ACAN: variants seen among roughly 807,000 people sequenced by gnomAD.
ACAN encodes the protein aggrecan, also known as aggrecan core protein.
Under a neutral mutation model 169.1 loss-of-function variants are expected in ACAN, and 47 were observed. That is an observed-to-expected ratio of 0.28 (90% CI 0.22 to 0.35). ACAN has a LOEUF of 0.35. ACAN is among the 10% of genes least tolerant of loss of function. ACAN has a pLI of 1.00. For missense variants in ACAN, 2,716 were observed against 2,759.9 expected (o/e 0.98, Z 0.36); for synonymous variants, 1,115 against 1,112.2 (o/e 1.00, Z -0.05).
Position 88,870,562 on chromosome 15 carries a change from C to A in ACAN, c.7061-820C>A, listed in dbSNP as rs1280718158. 3.9e-5 allele frequency among the ~76,000 whole-genome samples: 6 copies of A among 152,302 alleles called. No homozygotes were observed. The East Asian group carries it at 5.8e-4, about 15-fold the overall frequency. On this transcript the variant is annotated intron_variant, in intron 14 of 18. Coordinates refer to ENST00000560601, the MANE Select transcript of ACAN (RefSeq NM_001369268.1). This position sits in a 1 kb window ranked among gnomAD's most constrained non-coding sequence, Gnocchi z 6.3. ...AGGCGAGGTTGAGAGGAGACACTAA[C>A]AATGAGCTCTCTCAAAGCTGAGTGA...
At chr15:88,835,858 G>T (rs1423683232) in intron 1 of ACAN, among the ~76,000 whole-genome samples, 1 of 152,132 alleles carries the variant, frequency 6.6e-6, no homozygotes, top group East Asian at 1.9e-4. Context: ...GACACACCCA[G>T]CACAATGCTT....
At chr15:88,826,308 G>A (rs1319111900) in intron 1 of ACAN, among the ~76,000 whole-genome samples, 1 of 151,978 alleles carries the variant, frequency 6.6e-6, no homozygotes, top group African/African-American at 2.4e-5. Context: ...AACCCCTGGA[G>A]GAAGTTAACA....
chr15:88,849,558 G>T lies in ACAN; in HGVS notation c.1853G>T (p.Gly618Val). 6.2e-7 allele frequency: 1 copy of T among 1,606,718 alleles called. No individual in the cohort carries two copies. The highest frequency in any genetic ancestry group is 8.5e-7 in the Non-Finnish European group (1 of 1,176,954). The change falls in exon 10 of 19, where the codon GGC becomes GTC. Residue 618 changes from glycine to valine, a missense_variant. Transcript: ENST00000560601. The surrounding 1 kb of genome is among the most constrained non-coding windows in gnomAD (Gnocchi z 5.1). ...TGQLYAAWSR[G>V]LDKCYAGWLA... ...CAGCTCTACGCCGCCTGGAGCCGCG[G>T]CCTGGACAAGTGCTATGCCGGCTGG...
chr15:88,827,963 C>T (rs1248737252), intron 1 of ACAN, among the ~76,000 whole-genome samples: 2 of 152,178 alleles, frequency 1.3e-5, no homozygotes, highest in Non-Finnish European at 2.9e-5. Context: ...TGCTCCCACC[C>T]TGGCCATCGC....
In ACAN at chr15:88,845,549, G is replaced by C. The variant is rs1438051316; in HGVS notation, c.1096G>C (p.Gly366Arg). Reference sequence around the variant, plus strand: ...CCCAGAAAACTTCTTTGGAGTGGGGGGTGAGGAGGACATCACCGTCCAGAC... The same window carrying C: ...CCCAGAAAACTTCTTTGGAGTGGGGCGTGAGGAGGACATCACCGTCCAGAC... The part of the protein sequence containing the change: ...DIPENFFGVG[G>R]EEDITVQTVT... The change falls in exon 7 of 19, where the codon GGT becomes CGT. Residue 366 changes from glycine to arginine, a missense_variant. Gly to Arg is a moderately radical substitution (Grantham distance 125). Around this residue, in one of 3 missense-constraint regions of ACAN, gnomAD observed 1,283 missense variants for 1,281.5 expected, o/e 1.00. Transcript: ENST00000560601. 2 of 1,613,462 alleles carry C rather than the reference G, an allele frequency of 1.2e-6. No individual in the cohort carries two copies. The highest frequency in any genetic ancestry group is 8.5e-7 in the Non-Finnish European group (1 of 1,179,516).
chr15:88,873,042 G>C lies in ACAN; in HGVS notation c.7447+17G>C, dbSNP rs536758226. The C allele has an allele frequency of 6.2e-7, 1 of 1,609,632 alleles. No homozygotes were observed. Among genetic ancestry groups the C allele is most frequent in the African/African-American group, 1.3e-5 (1 of 75,000 alleles). On this transcript the variant is annotated intron_variant, in intron 17 of 18. Transcript: ENST00000560601. This position sits in a 1 kb window ranked among gnomAD's most constrained non-coding sequence, Gnocchi z 7.5. ...AGGGCACAGGTAAGCTGGCGCCTGG[G>C]AGGGGTCAGGGGAGGATAGGATCAA...
intron 1 of ACAN, among the ~76,000 whole-genome samples, chr15:88,828,366 G>T (rs1207836630): frequency 6.6e-6 from 1 of 152,080 alleles, no homozygotes; most frequent in Non-Finnish European, 1.5e-5. Context: ...GACACTCTCC[G>T]TGGTGTCATT....
chr15:88,815,825 T>C (rs1895929436), intron 1 of ACAN, among the ~76,000 whole-genome samples: 1 of 152,174 alleles, frequency 6.6e-6, no homozygotes, highest in Non-Finnish European at 1.5e-5. Flanking sequence ...AAAGTTACCT[T>C]GTATTCATTT....
At chr15:88,852,155 A>C in intron 11 of ACAN, 122 bp downstream of exon 11, 1 of 1,380,580 alleles carries the variant, frequency 7.2e-7, no homozygotes, top group South Asian at 1.4e-5. Flanking sequence ...CAGCCCTGAC[A>C]CTGGCTGGGT....
chr15:88,837,991 C>T (rs149872444), intron 2 of ACAN, among the ~76,000 whole-genome samples: 20 of 148,166 alleles, frequency 1.3e-4, no homozygotes, highest in African/African-American at 4.5e-4. Context: ...TGCACCTCCT[C>T]TATTGACACT....
intron 1 of ACAN, among the ~76,000 whole-genome samples, chr15:88,812,270 C>T (rs1895840284): frequency 6.6e-6 from 1 of 152,178 alleles, no homozygotes; most frequent in African/African-American, 2.4e-5. Context: ...AAGGCTGATG[C>T]TTCAGCGGTT....
chr15:88,837,623 C>T (rs1896537106), intron 2 of ACAN, among the ~76,000 whole-genome samples: 1 of 152,128 alleles, frequency 6.6e-6, no homozygotes, highest in Non-Finnish European at 1.5e-5. Context: ...TTCAGCTCTC[C>T]CCTGAGAACC....
At chr15:88,867,926 C>T (rs921261221) in intron 13 of ACAN, among the ~76,000 whole-genome samples, 3 of 152,248 alleles carry the variant, frequency 2.0e-5, no homozygotes, top group African/African-American at 7.2e-5. Context: ...AGACATTTGG[C>T]TTTAGACCTA....
In ACAN at chr15:88,851,253, A is replaced by G. The variant is rs1896923529; in HGVS notation, c.2027-541A>G. On this transcript the variant is annotated intron_variant, in intron 10 of 18. Coordinates refer to ENST00000560601, the MANE Select transcript of ACAN (RefSeq NM_001369268.1). This position sits in a 1 kb window ranked among gnomAD's most constrained non-coding sequence, Gnocchi z 4.3. ...CATGAATCCTGCCTTCACGCTTTCA[A>G]ATGCCGAGATGGTTTCATGGAATTG... 1 of 156,170 alleles carries G rather than the reference A, an allele frequency of 6.4e-6. No homozygotes were observed. Among genetic ancestry groups the G allele is most frequent in the South Asian group, 2.0e-4 (1 of 5,024 alleles). The allele number at this position is 156,170 out of a possible 1,614,324, so 9.7% of individuals were successfully genotyped here. A position where few individuals can be genotyped will look rare whatever the true frequency, so the allele number is the denominator to read the frequency against.
intron 1 of ACAN, among the ~76,000 whole-genome samples, chr15:88,834,565 A>C (rs1896452613): frequency 1.3e-5 from 2 of 152,234 alleles, no homozygotes; most frequent in Non-Finnish European, 2.9e-5. Context: ...CACGGGCGAG[A>C]GTTGCTGAAA....
Position 88,874,396 on chromosome 15 carries a change from T to G in ACAN, c.7631-9T>G. ...CCACTGATATCTTTCCATCTCCCTT[T>G]CGTCCTAGCCACCACCTACAAACGC... is the stretch of plus-strand genomic sequence containing the variant. On this transcript the variant is annotated splice_polypyrimidine_tract_variant and intron_variant, in intron 18 of 18. Transcript: ENST00000560601. The surrounding 1 kb of genome is among the most constrained non-coding windows in gnomAD (Gnocchi z 7.3). 6.3e-7 allele frequency: 1 copy of G among 1,596,852 alleles called. No individual in the cohort carries two copies. Among genetic ancestry groups the G allele is most frequent in the Middle Eastern group, 1.7e-4 (1 of 5,986 alleles).
intron 1 of ACAN, among the ~76,000 whole-genome samples, chr15:88,835,293 G>C (rs1052092937): frequency 1.3e-5 from 2 of 152,072 alleles, no homozygotes; most frequent in African/African-American, 4.8e-5. Flanking sequence ...GGGATGTTGA[G>C]CAACTCATCA....
At position 88,873,258 on chromosome 15, in the gene ACAN, C is replaced by T. The variant is rs1897426048; in HGVS notation, c.7447+233C>T. On this transcript the variant is annotated intron_variant, in intron 17 of 18. Coordinates refer to ENST00000560601, the MANE Select transcript of ACAN (RefSeq NM_001369268.1). This position sits in a 1 kb window ranked among gnomAD's most constrained non-coding sequence, Gnocchi z 7.5. ...AGGGACCGTTTGCAGGGACAGCAAG[C>T]ACATGAAGGTCACAGGCTAGAAGAC... Among the ~76,000 whole-genome samples, 1 of 152,188 alleles carries T rather than the reference C, an allele frequency of 6.6e-6. No homozygotes were observed. The highest frequency in any genetic ancestry group is 2.4e-5 in the African/African-American group (1 of 41,444).
intron 6 of ACAN, among the ~76,000 whole-genome samples, chr15:88,844,476 C>T (rs913821208): frequency 3.9e-5 from 6 of 152,202 alleles, no homozygotes; most frequent in South Asian, 2.1e-4. Flanking sequence ...CAGGTTCAAA[C>T]GATTCTTCTG....
Sources: gnomAD v4.1 joint callset for allele counts (sites outside exome capture counted in the v4.1 genomes callset) on GRCh38, gnomAD v4.1.1 for gene constraint, gnomAD v4.1.1 regional missense constraint, Gnocchi (gnomAD v3.1) non-coding constraint, MANE v1.5 for transcripts, NCBI Gene and HGNC (gene_info 2026-07-23, HGNC 2026-07-21) for gene names.